Variants in CAPZB observed in about 807,000 individuals in gnomAD.
CAPZB encodes capping actin protein of muscle Z-line subunit beta, also known as F-actin-capping protein subunit beta.
Under a neutral mutation model 38.1 loss-of-function variants are expected in CAPZB, and 2 were observed. The ratio of observed to expected loss-of-function variants is 0.05; its 90% CI spans 0.02 to 0.17. The LOEUF (loss-of-function observed/expected upper bound fraction) is 0.17, where lower values mean the gene tolerates loss of function less well. CAPZB is among the 10% of genes least tolerant of loss of function. The probability of loss-of-function intolerance (pLI) is 1.00; values close to 1 mark genes in which losing one functional copy is unlikely to be tolerated. For missense variants in CAPZB, 161 were observed against 334.2 expected (o/e 0.48, Z 4.04); for synonymous variants, 107 against 127.4 (o/e 0.84, Z 1.08).
intron 1 of CAPZB, 70 bp downstream of exon 1, chr1:19,485,366 T>A: frequency 9.3e-7 from 1 of 1,080,604 alleles, no homozygotes; most frequent in South Asian, 4.6e-5. Context: ...AGGCCAGGGA[T>A]GGGCAGGGGG....
At chr1:19,483,094 GCCCT>G (rs2094635905) in intron 1 of CAPZB, among the ~76,000 whole-genome samples, 1 of 152,130 alleles carries the variant, frequency 6.6e-6, no homozygotes, top group African/African-American at 2.4e-5. Context: ...ACAAATCTCT[GCCCT>G]CCAAGAGCTC....
chr1:19,354,816 A>G (rs1347950823), intron 6 of CAPZB, among the ~76,000 whole-genome samples: 3 of 152,210 alleles, frequency 2.0e-5, no homozygotes, highest in Non-Finnish European at 4.4e-5. Flanking sequence ...ATACAGATTC[A>G]GGATTTTCCA....
chr1:19,351,244 G>A (rs1237420582), intron 6 of CAPZB, among the ~76,000 whole-genome samples: 2 of 151,656 alleles, frequency 1.3e-5, no homozygotes, highest in Non-Finnish European at 2.9e-5. Context: ...GCCTCCCAAA[G>A]TGCTGGGATT....
intron 6 of CAPZB, among the ~76,000 whole-genome samples, chr1:19,351,640 C>G (rs1028384324): frequency 6.6e-6 from 1 of 152,176 alleles, no homozygotes; most frequent in African/African-American, 2.4e-5. Context: ...AGGTGGAGGT[C>G]TGTCTAGGTC....
chr1:19,429,426 T>TA (rs2094434964), intron 1 of CAPZB, among the ~76,000 whole-genome samples: 1 of 152,204 alleles, frequency 6.6e-6, no homozygotes, highest in African/African-American at 2.4e-5. Flanking sequence ...TTCAAGACTC[T>TA]AAAGGCAGAG....
At chr1:19,378,078 TGGCTCTACCCCTTGCTGTG>T (rs1302557833) in intron 4 of CAPZB, among the ~76,000 whole-genome samples, 1 of 152,244 alleles carries the variant, frequency 6.6e-6, no homozygotes, top group Non-Finnish European at 1.5e-5. Context: ...CTTTAATTCC[TGGCTCTACCCCTTGCTGTG>T]GACAAATACT....
chr1:19,476,168 G>GTAGATAGATAGA, intron 1 of CAPZB, among the ~76,000 whole-genome samples: 1 of 33,114 alleles, frequency 3.0e-5, no homozygotes, highest in African/African-American at 3.9e-5. Context: ...TAAAAAATAA[G>GTAGATAGATAGA]TAGATAGATA....
At chr1:19,365,355 T>C (rs1407483223) in intron 4 of CAPZB, among the ~76,000 whole-genome samples, 1 of 152,204 alleles carries the variant, frequency 6.6e-6, no homozygotes, top group Non-Finnish European at 1.5e-5. Flanking sequence ...GAAGTCTTTA[T>C]GCACAGGAAT....
intron 3 of CAPZB, among the ~76,000 whole-genome samples, chr1:19,383,078 A>G (rs1432089235): frequency 6.7e-6 from 1 of 148,880 alleles, no homozygotes; most frequent in Non-Finnish European, 1.5e-5. Context: ...TAGGAGTTCG[A>G]GGCCAGCCTG....
intron 1 of CAPZB, among the ~76,000 whole-genome samples, chr1:19,465,297 GC>G (rs1028919670): frequency 2.0e-5 from 3 of 152,124 alleles, no homozygotes; most frequent in Non-Finnish European, 4.4e-5. Context: ...CCTATAAGAG[GC>G]CCAGGGGAGC....
At chr1:19,385,460 G>A (rs756909321) in intron 3 of CAPZB, 45 bp downstream of exon 3, 86 of 1,609,324 alleles carry the variant, frequency 5.3e-5, no homozygotes, top group Non-Finnish European at 6.8e-5. Context: ...ACGGCAGCCC[G>A]CGTGTGCCTG....
chr1:19,340,028 G>A (rs1017370898), intron 8 of CAPZB, among the ~76,000 whole-genome samples: 1 of 152,208 alleles, frequency 6.6e-6, no homozygotes, highest in Non-Finnish European at 1.5e-5. Context: ...GCTACCCTGG[G>A]TTGCTGGCTG....
At chr1:19,374,942 C>T (rs577011782) in intron 4 of CAPZB, among the ~76,000 whole-genome samples, 40 of 152,282 alleles carry the variant, frequency 2.6e-4, no homozygotes, top group Non-Finnish European at 1.5e-4. Flanking sequence ...GGCCTACTGC[C>T]TCTCCACCCC....
intron 1 of CAPZB, 155 bp from the exon 2 acceptor site, chr1:19,419,905 G>C (rs925031311): frequency 3.4e-6 from 2 of 588,670 alleles, no homozygotes; most frequent in Non-Finnish European, 3.0e-6. Flanking sequence ...AGCCTGGAGC[G>C]GGGGGCGACT....
At chr1:19,458,377 G>C (rs1046365334) in intron 1 of CAPZB, among the ~76,000 whole-genome samples, 8 of 152,086 alleles carry the variant, frequency 5.3e-5, no homozygotes, top group Non-Finnish European at 1.2e-4. Context: ...TTTTGAGACG[G>C]AGTTTCACTC....
At chr1:19,372,152 G>A (rs2094122658) in intron 4 of CAPZB, among the ~76,000 whole-genome samples, 1 of 152,232 alleles carries the variant, frequency 6.6e-6, no homozygotes, top group Admixed American at 6.5e-5. Context: ...CTGAAGCAAG[G>A]AAGAACACAA....
intron 1 of CAPZB, among the ~76,000 whole-genome samples, chr1:19,442,185 T>A (rs2094479689): frequency 6.6e-6 from 1 of 152,152 alleles, no homozygotes; most frequent in Non-Finnish European, 1.5e-5. Context: ...GGCTCACAAA[T>A]TTTTTAACTG....
At chr1:19,449,027 C>A in intron 1 of CAPZB, 1 of 1,521,042 alleles carries the variant, frequency 6.6e-7, no homozygotes, top group Non-Finnish European at 8.9e-7. Context: ...GCTCGCTGCC[C>A]GCTCCTGACT....
At chr1:19,458,248 G>A (rs1026440841) in intron 1 of CAPZB, among the ~76,000 whole-genome samples, 6 of 152,118 alleles carry the variant, frequency 3.9e-5, no homozygotes, top group Non-Finnish European at 7.3e-5. Context: ...ACTTTCACAT[G>A]GGTCAACATA....
Sources: allele counts gnomAD v4.1 joint callset (sites outside exome capture counted in the v4.1 genomes callset), GRCh38; gene constraint gnomAD v4.1.1; transcripts MANE v1.5; gene names NCBI Gene and HGNC (gene_info 2026-07-23, HGNC 2026-07-21).